AADAT: variants seen among roughly 807,000 people sequenced by gnomAD.
AADAT encodes the protein kynurenine/alpha-aminoadipate aminotransferase, mitochondrial.
In AADAT, 25 loss-of-function variants were observed where a neutral mutation model predicts 56.2. That is an observed-to-expected ratio of 0.44 (90% CI 0.32 to 0.62). The LOEUF is 0.62. AADAT is among the 20% of genes least tolerant of loss of function. The pLI, the probability that AADAT is intolerant of heterozygous loss-of-function variation, is 0.04. For synonymous variants in AADAT, 173 were observed against 164.7 expected (o/e 1.05, Z -0.39); for missense variants, 387 against 510.5 (o/e 0.76, Z 2.33).
chr4:170,087,361 A>C (rs1732614762), intron 2 of AADAT, 113 bp from the exon 3 acceptor site: 3 of 983,022 alleles, frequency 3.1e-6, no homozygotes, highest in Admixed American at 3.1e-5. Flanking sequence ...TCAATTAAAA[A>C]ACCCTCAAAT....
Position 170,069,185 on chromosome 4 carries a change from T to G in AADAT, c.766A>C (p.Ile256Leu). 6.2e-7 allele frequency: 1 copy of G among 1,614,014 alleles called. No homozygotes were observed. The highest frequency in any genetic ancestry group is 8.5e-7 in the Non-Finnish European group (1 of 1,179,960). Residue 256 changes from isoleucine (I) to leucine (L), a missense_variant, in exon 7 of 13, where the codon ATC becomes CTC. Physicochemically the swap from Ile to Leu is conservative, Grantham distance 5. Coordinates refer to ENST00000337664, the MANE Select transcript of AADAT (RefSeq NM_016228.4). ...FLSMDVDGRV[I>L]RADSFSKIIS... is the part of the protein sequence containing the mutation. ...ATTTTTGAAAAAGAGTCAGCTCTGA[T>G]GACACGTCCATCAACATCCATGGAA...
upstream of AADAT, chr4:170,090,384 T>G (rs1732776684): frequency 6.6e-6 from 1 of 152,252 alleles, no homozygotes; most frequent in South Asian, 2.1e-4. Flanking sequence ...GGACTGTGCA[T>G]TTTGCCCGCT....
chr4:170,092,913 A>T (rs565068858), upstream of AADAT, among the ~76,000 whole-genome samples: 15 of 152,124 alleles, frequency 9.9e-5, no homozygotes, highest in South Asian at 2.3e-3. Context: ...GTTCTCAGTT[A>T]ATCCATGCAC....
chr4:170,091,116 C>G (rs1448971658), upstream of AADAT, among the ~76,000 whole-genome samples: 1 of 152,370 alleles, frequency 6.6e-6, no homozygotes, highest in South Asian at 2.1e-4. Flanking sequence ...TCGGCCTCAG[C>G]GCTCACTCTG....
chr4:170,073,004 T>A, intron 5 of AADAT, 132 bp downstream of exon 5: 1 of 786,650 alleles, frequency 1.3e-6, no homozygotes, highest in Non-Finnish European at 2.0e-6. Flanking sequence ...TGAGCATATA[T>A]GATTTCCTTT....
In AADAT at chr4:170,070,575, A is replaced by G. The variant is rs1437630447; in HGVS notation, c.720+12T>C. On this transcript the variant is annotated intron_variant, in intron 6 of 12. Transcript: ENST00000337664. ...TCTTCTAATAGTGAAGTAAGTTCAC[A>G]TAATCACTTACCTTGTTAAACTGGA... 6.4e-7 allele frequency: 1 copy of G among 1,568,318 alleles called. No homozygotes were observed. The highest frequency in any genetic ancestry group is 1.4e-5 in the African/African-American group (1 of 73,844).
At chr4:170,089,603 G>C in intron 1 of AADAT, 21 bp downstream of exon 1, 2 of 1,614,102 alleles carry the variant, frequency 1.2e-6, no homozygotes, top group Non-Finnish European at 1.7e-6. Flanking sequence ...CCAAAGGAGA[G>C]ATGGTCACCC....
intron 3 of AADAT, among the ~76,000 whole-genome samples, chr4:170,083,473 C>T (rs969329129): frequency 1.3e-5 from 2 of 152,028 alleles, no homozygotes; most frequent in African/African-American, 4.8e-5. Context: ...CTTCAAGGAA[C>T]TAGAACAACC....
intron 1 of AADAT, chr4:170,089,345 C>T (rs1309689496): frequency 5.2e-6 from 3 of 581,138 alleles, no homozygotes; most frequent in Non-Finnish European, 9.3e-6. Context: ...GATAGCACGC[C>T]CCCTCCCTTC....
intron 1 of AADAT, 95 bp from the exon 2 acceptor site, chr4:170,088,659 T>C: frequency 7.7e-7 from 1 of 1,291,594 alleles, no homozygotes; most frequent in South Asian, 1.4e-5. Context: ...CTATAAAGTT[T>C]AACGATTTCT....
chr4:170,093,211 C>T (rs2111230387), upstream of AADAT, among the ~76,000 whole-genome samples: 1 of 152,196 alleles, frequency 6.6e-6, no homozygotes, highest in South Asian at 2.1e-4. Context: ...GGTGGATCAA[C>T]TGAGGTCAGG....
chr4:170,067,256 T>C, intron 9 of AADAT, 71 bp downstream of exon 9: 1 of 1,113,196 alleles, frequency 9.0e-7, no homozygotes, highest in Non-Finnish European at 1.3e-6. Context: ...AAATCAATAC[T>C]GTAGGTGATC....
chr4:170,090,591 A>G (rs758686025), upstream of AADAT: 1 of 152,168 alleles, frequency 6.6e-6, no homozygotes, highest in African/African-American at 2.4e-5. Context: ...CTACCCTCAC[A>G]TTGAATTTCT....
At chr4:170,091,958 A>G (rs1406813915), upstream of AADAT, among the ~76,000 whole-genome samples, 1 of 152,232 alleles carries the variant, frequency 6.6e-6, no homozygotes, top group Admixed American at 6.5e-5. Context: ...TACACCAATT[A>G]GCACTCTGTA....
At chr4:170,074,211 A>G (rs1230885760) in intron 4 of AADAT, among the ~76,000 whole-genome samples, 3 of 151,842 alleles carry the variant, frequency 2.0e-5, no homozygotes, top group Admixed American at 1.3e-4. Flanking sequence ...TACTTTTTCA[A>G]CTTTCATTTT....
At chr4:170,088,649 C>T (rs1732681915) in intron 1 of AADAT, 85 bp from the exon 2 acceptor site, 6 of 1,394,942 alleles carry the variant, frequency 4.3e-6, no homozygotes, top group Non-Finnish European at 6.0e-6. Flanking sequence ...GTCAATAAAA[C>T]TATAAAGTTT....
At chr4:170,092,710 G>A (rs528539406), upstream of AADAT, among the ~76,000 whole-genome samples, 2 of 152,224 alleles carry the variant, frequency 1.3e-5, no homozygotes, top group Non-Finnish European at 2.9e-5. Context: ...ACCTTTCTCT[G>A]TATTGGTTTT....
intron 12 of AADAT, among the ~76,000 whole-genome samples, chr4:170,061,356 A>G (rs1455579473): frequency 2.0e-5 from 3 of 152,242 alleles, no homozygotes; most frequent in African/African-American, 7.2e-5. Flanking sequence ...GACATGAGAA[A>G]GCAAGTAAAT....
chr4:170,066,597 T>C (rs1731474601), intron 9 of AADAT, 119 bp from the exon 10 acceptor site: 4 of 727,268 alleles, frequency 5.5e-6, no homozygotes, highest in South Asian at 4.9e-5. Context: ...GTTGAATGCT[T>C]GATAGAAGAA....
Sources: allele counts gnomAD v4.1 joint callset (sites outside exome capture counted in the v4.1 genomes callset), GRCh38; gene constraint gnomAD v4.1.1; transcripts MANE v1.5; gene names NCBI Gene and HGNC (gene_info 2026-07-23, HGNC 2026-07-21).